The following CNTNAP2 variants were observed in gnomAD, a reference collection of about 807,000 sequenced individuals.
The protein encoded by CNTNAP2 is contactin-associated protein-like 2.
A neutral mutation model predicts 155.2 loss-of-function variants in CNTNAP2; 98 were observed. The ratio of observed to expected loss-of-function variants is 0.63; its 90% CI spans 0.54 to 0.75. CNTNAP2 has a LOEUF of 0.75. Among genes scored for constraint, CNTNAP2 ranks in the 30% least tolerant of loss-of-function variants. The pLI is 0.00. For missense variants in CNTNAP2, 1,727 were observed against 1,688.1 expected, an observed-to-expected ratio of 1.02 and a Z score of -0.40; for synonymous variants, 651 against 631.2, an observed-to-expected ratio of 1.03 and a Z score of -0.47.
In CNTNAP2 at chr7:146,351,659, T is replaced by C. The variant is rs549154122; in HGVS notation, c.97+234686T>C. ...CAGTTGAATTAACCATATTTTGTTA[T>C]GATACAAAAACTCAGTTCCTGTTTA... is the stretch of plus-strand genomic sequence containing the variant. On this transcript the variant is annotated intron_variant, in intron 1 of 23. Transcript: ENST00000361727. 2.6e-5 allele frequency among the ~76,000 whole-genome samples: 4 copies of C among 152,346 alleles called. No homozygotes were observed. The East Asian group carries it at 5.8e-4, about 22-fold the overall frequency.
intron 8 of CNTNAP2, among the ~76,000 whole-genome samples, chr7:147,291,869 T>C (rs1805320065): frequency 6.6e-6 from 1 of 152,208 alleles, no homozygotes; most frequent in South Asian, 2.1e-4. Context: ...TGACTAATAA[T>C]ATAAAGCACT....
intron 3 of CNTNAP2, among the ~76,000 whole-genome samples, chr7:147,021,481 GTAAAAGA>G (rs1798816470): frequency 6.6e-6 from 1 of 152,116 alleles, no homozygotes; most frequent in African/African-American, 2.4e-5. Flanking sequence ...CCTGATCAGT[GTAAAAGA>G]TAAGACTATT....
At chr7:146,603,360 C>T (rs1219715477) in intron 1 of CNTNAP2, among the ~76,000 whole-genome samples, 1 of 150,200 alleles carries the variant, frequency 6.7e-6, no homozygotes. Flanking sequence ...TGCAGTGAGC[C>T]GAGACCGCGC....
At chr7:147,590,165 G>A (rs1343832170) in intron 12 of CNTNAP2, among the ~76,000 whole-genome samples, 1 of 152,102 alleles carries the variant, frequency 6.6e-6, no homozygotes, top group Non-Finnish European at 1.5e-5. Flanking sequence ...ACAGGTGGCA[G>A]ACTGATTACT....
intron 4 of CNTNAP2, among the ~76,000 whole-genome samples, chr7:147,066,438 T>C (rs1799781182): frequency 6.6e-6 from 1 of 152,220 alleles, no homozygotes. Flanking sequence ...TTCCTTTTTA[T>C]AAAACTAAAC....
At chr7:147,611,409 A>G (rs910270632) in intron 12 of CNTNAP2, among the ~76,000 whole-genome samples, 1 of 152,234 alleles carries the variant, frequency 6.6e-6, no homozygotes, top group East Asian at 1.9e-4. Flanking sequence ...AGCTTGTCTA[A>G]GTATCGATGT....
Position 146,318,903 on chromosome 7 carries a change from T to A in CNTNAP2, c.97+201930T>A, listed in dbSNP as rs112083021. ...AATATGTATGTATAATCTTAACTCT[T>A]ATGAATGCTTTGTAAATATAACCGA... On this transcript the variant is annotated intron_variant, in intron 1 of 23. Coordinates refer to ENST00000361727, the MANE Select transcript of CNTNAP2 (RefSeq NM_014141.6). Among the ~76,000 whole-genome samples, 3 of 152,302 alleles carry A rather than the reference T, an allele frequency of 2.0e-5. No individual in the cohort carries two copies. The South Asian group carries it at 6.2e-4, about 32-fold the overall frequency.
chr7:148,400,451 C>T (rs921078206), intron 22 of CNTNAP2, among the ~76,000 whole-genome samples: 2 of 152,106 alleles, frequency 1.3e-5, no homozygotes, highest in Non-Finnish European at 2.9e-5. Flanking sequence ...AAAGAAGCCG[C>T]GACAAACCTC....
chr7:146,139,008 A>G (rs1029923386), intron 1 of CNTNAP2, among the ~76,000 whole-genome samples: 1 of 152,168 alleles, frequency 6.6e-6, no homozygotes, highest in Non-Finnish European at 1.5e-5. Context: ...CCTACAGAAC[A>G]GCATAGCTAA....
intron 1 of CNTNAP2, among the ~76,000 whole-genome samples, chr7:146,459,312 C>A: frequency 6.6e-6 from 1 of 151,604 alleles, no homozygotes; most frequent in African/African-American, 2.4e-5. Context: ...TTTAAGAATA[C>A]GAATTTCCAC....
At chr7:147,929,947 T>C (rs1037786261) in intron 14 of CNTNAP2, among the ~76,000 whole-genome samples, 1 of 152,100 alleles carries the variant, frequency 6.6e-6, no homozygotes, top group Non-Finnish European at 1.5e-5. Context: ...ACAATGGGGC[T>C]CAAGCTTCCA....
chr7:146,556,616 A>G (rs1340857308), intron 1 of CNTNAP2, among the ~76,000 whole-genome samples: 7 of 152,184 alleles, frequency 4.6e-5, no homozygotes, highest in African/African-American at 1.7e-4. Context: ...AAGAAGATCC[A>G]GTGAGAAAAA....
intron 1 of CNTNAP2, among the ~76,000 whole-genome samples, chr7:146,286,363 C>A (rs1384416810): frequency 6.6e-6 from 1 of 151,714 alleles, no homozygotes; most frequent in African/African-American, 2.4e-5. Flanking sequence ...GAGTTCAGTC[C>A]AATTGTTGGT....
At chr7:147,903,794 G>A in intron 14 of CNTNAP2, 73 bp downstream of exon 14, 1 of 1,555,502 alleles carries the variant, frequency 6.4e-7, no homozygotes, top group South Asian at 1.2e-5. Context: ...TGTGATAGAA[G>A]AAAGTTTGAA....
chr7:147,720,420 T>C (rs1031482354), intron 13 of CNTNAP2, among the ~76,000 whole-genome samples: 1 of 152,136 alleles, frequency 6.6e-6, no homozygotes, highest in African/African-American at 2.4e-5. Context: ...CCCTCAAGTG[T>C]GGGATCACGT....
chr7:147,981,818 G>GGT (rs1563156658), intron 15 of CNTNAP2, among the ~76,000 whole-genome samples: 3 of 124,220 alleles, frequency 2.4e-5, no homozygotes, highest in Admixed American at 7.7e-5. Flanking sequence ...TGTGTGTGTG[G>GGT]TTTTTTTTTT....
chr7:146,372,613 G>A (rs1029733852), intron 1 of CNTNAP2, among the ~76,000 whole-genome samples: 1 of 148,918 alleles, frequency 6.7e-6, no homozygotes, highest in Non-Finnish European at 1.5e-5. Flanking sequence ...TCAAAGAGGC[G>A]AGTAAGAGGC....
chr7:147,431,841 G>A (rs1235925338), intron 10 of CNTNAP2, among the ~76,000 whole-genome samples: 1 of 152,040 alleles, frequency 6.6e-6, no homozygotes, highest in Non-Finnish European at 1.5e-5. Flanking sequence ...CCTTTACCTA[G>A]TTGGCAATTA....
chr7:146,458,244 A>T (rs971658000), intron 1 of CNTNAP2, among the ~76,000 whole-genome samples: 1 of 152,142 alleles, frequency 6.6e-6, no homozygotes, highest in African/African-American at 2.4e-5. Flanking sequence ...ACCATCTCAC[A>T]TGTTTACTTC....
Sources: allele counts gnomAD v4.1 joint callset (sites outside exome capture counted in the v4.1 genomes callset), GRCh38; gene constraint gnomAD v4.1.1; transcripts MANE v1.5; gene names NCBI Gene and HGNC (gene_info 2026-07-23, HGNC 2026-07-21).